Variants in GRIN3A observed in about 807,000 individuals in gnomAD.
GRIN3A encodes the protein glutamate ionotropic receptor NMDA type subunit 3A.
Under a neutral mutation model 92.4 loss-of-function variants are expected in GRIN3A, and 47 were observed. The ratio of observed to expected loss-of-function variants is 0.51; its 90% CI spans 0.40 to 0.65. GRIN3A has a LOEUF of 0.65. Ranked by LOEUF, GRIN3A falls within the 30% of genes least tolerant of loss-of-function variation. The probability of loss-of-function intolerance (pLI) is 0.00; values close to 1 mark genes in which losing one functional copy is unlikely to be tolerated. For synonymous variants in GRIN3A, 527 were observed against 540.6 expected (o/e 0.97, Z 0.35); for missense variants, 1,324 against 1,393.1 (o/e 0.95, Z 0.79).
At chr9:101,617,205 T>TC (rs771904967) in intron 5 of GRIN3A, among the ~76,000 whole-genome samples, 1 of 107,158 alleles carries the variant, frequency 9.3e-6, no homozygotes, top group African/African-American at 3.4e-5. Context: ...AGACTCCGTC[T>TC]AAAAAAAAAA....
intron 1 of GRIN3A, among the ~76,000 whole-genome samples, chr9:101,690,417 C>T (rs780737791): frequency 6.6e-6 from 1 of 152,092 alleles, no homozygotes; most frequent in Non-Finnish European, 1.5e-5. Flanking sequence ...GACATTGTTT[C>T]AGAGCCTGAA....
At chr9:101,638,886 G>C (rs1293283603) in intron 3 of GRIN3A, among the ~76,000 whole-genome samples, 1 of 152,164 alleles carries the variant, frequency 6.6e-6, no homozygotes, top group East Asian at 1.9e-4. Context: ...AAAGAGTTCA[G>C]CCATTGTACA....
chr9:101,618,638 AAAC>A (rs1285098544), intron 5 of GRIN3A, among the ~76,000 whole-genome samples: 2 of 152,222 alleles, frequency 1.3e-5, no homozygotes, highest in Non-Finnish European at 2.9e-5. Flanking sequence ...TAGCTAATGA[AAAC>A]AAACTATGCA....
chr9:101,626,405 C>G (rs981979949), intron 4 of GRIN3A, among the ~76,000 whole-genome samples: 2 of 152,112 alleles, frequency 1.3e-5, no homozygotes, highest in African/African-American at 4.8e-5. Context: ...CTTGCACAGG[C>G]AATGCTAGGG....
At chr9:101,671,167 AGTGTT>A in intron 2 of GRIN3A, 60 bp from the exon 3 acceptor site, 3 of 1,135,544 alleles carry the variant, frequency 2.6e-6, no homozygotes, top group Non-Finnish European at 4.0e-6. Context: ...GATAGGAAGC[AGTGTT>A]CAGCTTTGCT....
intron 5 of GRIN3A, among the ~76,000 whole-genome samples, chr9:101,621,706 AG>A (rs1266502836): frequency 6.6e-6 from 1 of 152,222 alleles, no homozygotes; most frequent in East Asian, 1.9e-4. Flanking sequence ...ATCTGGCACT[AG>A]GGTCCAGCAG....
chr9:101,588,234 A>G (rs538488030), intron 6 of GRIN3A, among the ~76,000 whole-genome samples: 1 of 152,376 alleles, frequency 6.6e-6, no homozygotes, highest in East Asian at 1.9e-4. Flanking sequence ...GAAGTTTCTC[A>G]TTAACCAAGA....
At chr9:101,693,277 C>T (rs948494904) in intron 1 of GRIN3A, among the ~76,000 whole-genome samples, 5 of 148,090 alleles carry the variant, frequency 3.4e-5, no homozygotes, top group East Asian at 4.1e-4. Context: ...ATATATTGCA[C>T]GGAGGGGTCA....
intron 2 of GRIN3A, among the ~76,000 whole-genome samples, chr9:101,675,360 C>A (rs910176046): frequency 6.6e-6 from 1 of 151,862 alleles, no homozygotes; most frequent in Non-Finnish European, 1.5e-5. Context: ...ACAGTATAAG[C>A]AAGATCAATA....
intron 6 of GRIN3A, among the ~76,000 whole-genome samples, chr9:101,586,582 C>G (rs1404950526): frequency 6.6e-6 from 1 of 152,140 alleles, no homozygotes; most frequent in Non-Finnish European, 1.5e-5. Context: ...ATTCACCAAT[C>G]TAGGGATCTA....
In GRIN3A at chr9:101,595,102, C is replaced by A; in HGVS notation, c.2767-15742G>T. ...GAGGGGCGGCAGGTCAGAGAGGGAG[C>A]GGAGAGAGGAGGGAAAGAAGGAGGG... On this transcript the variant is annotated intron_variant, in intron 6 of 8. Transcript: ENST00000361820. 5.3e-6 allele frequency: 3 copies of A among 569,406 alleles called. No homozygotes were observed. In the South Asian group the frequency reaches 7.7e-5, roughly 15 times the overall value. The allele number at this position is 569,406 out of a possible 1,614,324, so 35.3% of individuals were successfully genotyped here.
chr9:101,699,695 C>T (rs1203405505), intron 1 of GRIN3A, among the ~76,000 whole-genome samples: 3 of 152,178 alleles, frequency 2.0e-5, no homozygotes, highest in African/African-American at 7.2e-5. Flanking sequence ...CATGAGCCAT[C>T]ACAGCAGACT....
At chr9:101,693,288 C>T (rs1820762443) in intron 1 of GRIN3A, among the ~76,000 whole-genome samples, 1 of 150,540 alleles carries the variant, frequency 6.6e-6, no homozygotes, top group Admixed American at 6.6e-5. Flanking sequence ...GGAGGGGTCA[C>T]ACGTGCCTGT....
intron 1 of GRIN3A, among the ~76,000 whole-genome samples, chr9:101,688,597 G>C (rs569729876): frequency 9.1e-4 from 138 of 152,236 alleles, no homozygotes; most frequent in African/African-American, 3.2e-3. Context: ...GTTCATGGTA[G>C]GGAGGGTAAT....
intron 3 of GRIN3A, among the ~76,000 whole-genome samples, chr9:101,641,708 C>A (rs1828866105): frequency 6.6e-6 from 1 of 150,706 alleles, no homozygotes. Flanking sequence ...TGCAGCATAC[C>A]AACATGGCAC....
chr9:101,609,454 G>A (rs942141), intron 6 of GRIN3A, among the ~76,000 whole-genome samples: 5 of 151,968 alleles, frequency 3.3e-5, no homozygotes, highest in African/African-American at 7.3e-5. Context: ...AGACTCAGAC[G>A]TAAGAGCAGT....
At chr9:101,682,944 C>T (rs543367664) in intron 2 of GRIN3A, among the ~76,000 whole-genome samples, 133 of 152,238 alleles carry the variant, frequency 8.7e-4, no homozygotes, top group African/African-American at 2.8e-3. Flanking sequence ...ATTGCGCCAC[C>T]GCACTCCAGC....
Position 101,687,124 on chromosome 9 carries a change from A to G in GRIN3A, c.776T>C (p.Met259Thr). ...CAAGCTAAAATTGTACCAGTTGTTC[A>G]TGGTCAGGATTGAGACAGTGACATC... ...DADVTVSILTMNNWYNFSLLL... is the reference protein window; with the variant it reads ...DADVTVSILTTNNWYNFSLLL... Residue 259 changes from methionine (M) to threonine (T), a missense_variant, in exon 2 of 9, where the codon ATG (methionine) becomes ACG (threonine). By Grantham distance (81) the Met-to-Thr change is moderately conservative. Coordinates refer to ENST00000361820, the MANE Select transcript of GRIN3A (RefSeq NM_133445.3). 1.2e-6 allele frequency: 2 copies of G among 1,614,122 alleles called. No homozygotes were observed. The highest frequency in any genetic ancestry group is 1.7e-6 in the Non-Finnish European group (2 of 1,179,958).
At chr9:101,587,075 C>T (rs932400455) in intron 6 of GRIN3A, among the ~76,000 whole-genome samples, 3 of 152,034 alleles carry the variant, frequency 2.0e-5, no homozygotes, top group Admixed American at 1.3e-4. Context: ...TTTGGGAGGC[C>T]GAGACAAGTG....
Sources: gnomAD v4.1 joint callset for allele counts (sites outside exome capture counted in the v4.1 genomes callset) on GRCh38, gnomAD v4.1.1 for gene constraint, MANE v1.5 for transcripts, NCBI Gene and HGNC (gene_info 2026-07-23, HGNC 2026-07-21) for gene names.